PKHD1L1: variants seen among roughly 807,000 people sequenced by gnomAD.
The protein encoded by PKHD1L1 is fibrocystin-L.
Under a neutral mutation model 462.9 loss-of-function variants are expected in PKHD1L1, and 434 were observed. The observed-to-expected ratio is 0.94, with a 90% CI of 0.87 to 1.02. The LOEUF is 1.02. PKHD1L1 is among the 50% of genes least tolerant of loss of function. The pLI, the probability that PKHD1L1 is intolerant of heterozygous loss-of-function variation, is 0.00. For missense variants in PKHD1L1, 5,202 were observed against 5,096.1 expected (o/e 1.02, Z -0.63); for synonymous variants, 1,781 against 1,750.0 (o/e 1.02, Z -0.44).
intron 10 of PKHD1L1, among the ~76,000 whole-genome samples, chr8:109,395,082 G>A (rs1307335375): frequency 2.0e-5 from 3 of 152,166 alleles, no homozygotes; most frequent in African/African-American, 4.8e-5. Flanking sequence ...AGTATTTACC[G>A]CATATCACTA....
intron 18 of PKHD1L1, among the ~76,000 whole-genome samples, chr8:109,409,157 A>G (rs1813709636): frequency 6.6e-6 from 1 of 152,226 alleles, no homozygotes. Context: ...TGGAAATTTT[A>G]GGAGACTTGT....
At chr8:109,396,190 T>C in intron 11 of PKHD1L1, 53 bp downstream of exon 11, 1 of 1,236,892 alleles carries the variant, frequency 8.1e-7, no homozygotes, top group South Asian at 1.3e-5. Flanking sequence ...TTCTGCCTGC[T>C]CTTTAATAAT....
At chr8:109,456,932 A>G (rs1243845407) in intron 46 of PKHD1L1, among the ~76,000 whole-genome samples, 1 of 152,196 alleles carries the variant, frequency 6.6e-6, no homozygotes, top group Non-Finnish European at 1.5e-5. Flanking sequence ...GATGATTCAC[A>G]TAACCTTTTA....
chr8:109,523,921 C>T (rs1443314971), intron 76 of PKHD1L1, among the ~76,000 whole-genome samples: 1 of 152,154 alleles, frequency 6.6e-6, no homozygotes, highest in African/African-American at 2.4e-5. Flanking sequence ...TGTGATTTTT[C>T]AGAAAGTGTG....
At chr8:109,450,477 AAT>A (rs201037112) in intron 40 of PKHD1L1, among the ~76,000 whole-genome samples, 2 of 150,868 alleles carry the variant, frequency 1.3e-5, no homozygotes, top group Admixed American at 6.6e-5. Flanking sequence ...CTGATTAAAA[AAT>A]ATATATATAT....
At chr8:109,392,173 T>G (rs190163071) in intron 9 of PKHD1L1, among the ~76,000 whole-genome samples, 22 of 152,148 alleles carry the variant, frequency 1.4e-4, no homozygotes, top group African/African-American at 3.9e-4. Context: ...TTAAATTATT[T>G]TTTGAACTAC....
intron 12 of PKHD1L1, 90 bp from the exon 13 acceptor site, chr8:109,399,986 C>A (rs1813186765): frequency 4.4e-6 from 6 of 1,349,044 alleles, no homozygotes; most frequent in Non-Finnish European, 5.1e-6. Flanking sequence ...AATTGATATA[C>A]AAAATCTATA....
At chr8:109,519,421 T>C (rs1454519451) in intron 73 of PKHD1L1, among the ~76,000 whole-genome samples, 1 of 152,108 alleles carries the variant, frequency 6.6e-6, no homozygotes, top group East Asian at 1.9e-4. Context: ...CATGTTATCA[T>C]CTTGTCTTCA....
rs774143522 is a variant in PKHD1L1 at position 109,448,274 on chromosome 8, G to A, written c.5908G>A (p.Gly1970Arg). ...TGATAGTGTGGTGCAGTGCATCGTG[G>A]GAGATCATGCTGGGGGCACATTTCC... Reference protein sequence around the residue: ...ANDSVVQCIVGDHAGGTFPVM... With the variant: ...ANDSVVQCIVRDHAGGTFPVM... Residue 1970 changes from glycine (G) to arginine (R), a missense_variant, in exon 39 of 78, where the codon GGA becomes AGA. By Grantham distance (125) the Gly-to-Arg change is moderately radical. Transcript: ENST00000378402. 1.2e-6 allele frequency: 2 copies of A among 1,613,534 alleles called. No homozygotes were observed. Among genetic ancestry groups the A allele is most frequent in the East Asian group, 2.2e-5 (1 of 44,854 alleles).
intron 59 of PKHD1L1, 30 bp downstream of exon 59, chr8:109,486,851 A>G (rs1374122028): frequency 2.5e-6 from 4 of 1,589,146 alleles, no homozygotes; most frequent in Non-Finnish European, 2.6e-6. Context: ...ATTTTTCTAA[A>G]TGAGCTATAA....
At chr8:109,405,271 T>C (rs550313446) in intron 16 of PKHD1L1, 141 bp downstream of exon 16, 2 of 523,090 alleles carry the variant, frequency 3.8e-6, no homozygotes, top group South Asian at 1.4e-4. Context: ...AAATGTATTA[T>C]GGAAAAAAGC....
At chr8:109,498,608 A>G (rs1025503850) in intron 66 of PKHD1L1, 35 bp downstream of exon 66, 44 of 1,608,876 alleles carry the variant, frequency 2.7e-5, no homozygotes, top group Non-Finnish European at 3.5e-5. Flanking sequence ...TGTTGTTCAT[A>G]TGAGTGCATA....
Position 109,454,705 on chromosome 8 carries a change from T to G in PKHD1L1, c.6745-18T>G. 1.2e-6 allele frequency: 2 copies of G among 1,609,964 alleles called. No individual in the cohort carries two copies. Among genetic ancestry groups the G allele is most frequent in the Non-Finnish European group, 1.7e-6 (2 of 1,177,286 alleles). ...GGGGTTTTAATTTTCTGAATGGCAT[T>G]TGTGACATCTTTTGCAGATTGGAAC... On this transcript the variant is annotated intron_variant, in intron 44 of 77. Coordinates refer to ENST00000378402, the MANE Select transcript of PKHD1L1 (RefSeq NM_177531.6).
Position 109,433,225 on chromosome 8 carries a change from T to C in PKHD1L1, c.3340+9T>C, listed in dbSNP as rs1313593373. ...TCTTCTTTCTGTGGATGGTAGGTCC[T>C]TTTAAAAACTATTAAGTCTAATTGT... On this transcript the variant is annotated intron_variant, in intron 28 of 77. Coordinates refer to ENST00000378402, the MANE Select transcript of PKHD1L1 (RefSeq NM_177531.6). 1 of 1,569,146 alleles carries C rather than the reference T, an allele frequency of 6.4e-7. No individual in the cohort carries two copies. Among genetic ancestry groups the C allele is most frequent in the South Asian group, 1.1e-5 (1 of 88,814 alleles).
At chr8:109,370,365 T>C (rs1363658802) in intron 2 of PKHD1L1, among the ~76,000 whole-genome samples, 1 of 152,106 alleles carries the variant, frequency 6.6e-6, no homozygotes, top group Non-Finnish European at 1.5e-5. Context: ...CTGCCTGCCT[T>C]GGCTTCCTAA....
chr8:109,441,969 C>T, intron 34 of PKHD1L1, 38 bp from the exon 35 acceptor site: 1 of 1,484,310 alleles, frequency 6.7e-7, no homozygotes, highest in East Asian at 2.4e-5. Context: ...AAGAAATTCT[C>T]TTTTTCTTTT....
chr8:109,528,340 G>C (rs892009774), intron 77 of PKHD1L1, among the ~76,000 whole-genome samples: 7 of 152,084 alleles, frequency 4.6e-5, no homozygotes, highest in African/African-American at 1.7e-4. Context: ...TGCCATTTTT[G>C]CCTATCCTCC....
At chr8:109,505,157 T>A (rs1281247020) in intron 68 of PKHD1L1, among the ~76,000 whole-genome samples, 1 of 152,126 alleles carries the variant, frequency 6.6e-6, no homozygotes, top group South Asian at 2.1e-4. Flanking sequence ...CCCAAAGCAC[T>A]GGGATTACAG....
At chr8:109,522,618 A>G in intron 74 of PKHD1L1, 126 bp from the exon 75 acceptor site, 1 of 1,024,008 alleles carries the variant, frequency 9.8e-7, no homozygotes, top group East Asian at 2.8e-5. Context: ...TAATTATATT[A>G]ATTTTGCATA....
Sources: gnomAD v4.1 joint callset for allele counts (sites outside exome capture counted in the v4.1 genomes callset) on GRCh38, gnomAD v4.1.1 for gene constraint, MANE v1.5 for transcripts, NCBI Gene and HGNC (gene_info 2026-07-23, HGNC 2026-07-21) for gene names.